ANKRD30BL: variants seen among roughly 807,000 people sequenced by gnomAD.
ANKRD30BL encodes the protein ankyrin repeat domain 30B like.
A neutral mutation model predicts 18.4 loss-of-function variants in ANKRD30BL; 20 were observed. That is an observed-to-expected ratio of 1.09 (90% CI 0.77 to 1.58). The LOEUF is 1.58. ANKRD30BL is among the 40% of genes most tolerant of loss of function. The pLI is 0.00. For missense variants in ANKRD30BL, 224 were observed against 268.6 expected, an observed-to-expected ratio of 0.83 and a Z score of 1.16; for synonymous variants, 72 against 100.9, an observed-to-expected ratio of 0.71 and a Z score of 1.72.
At chr2:132,157,586 C>T (rs1687945128) in intron 1 of ANKRD30BL, among the ~76,000 whole-genome samples, 163 bp from the exon 2 acceptor site, 1 of 152,204 alleles carries the variant, frequency 6.6e-6, no homozygotes, top group Non-Finnish European at 1.5e-5. Context: ...ACTGTTATTA[C>T]TCACTACATT....
chr2:132,174,524 G>A (rs2104943179), intron 1 of ANKRD30BL, among the ~76,000 whole-genome samples: 1 of 152,106 alleles, frequency 6.6e-6, no homozygotes, highest in African/African-American at 2.4e-5. Context: ...ACAGAACTAG[G>A]CATGCGTCAA....
intron 1 of ANKRD30BL, among the ~76,000 whole-genome samples, chr2:132,227,234 T>C (rs1216975090): frequency 6.6e-6 from 1 of 152,156 alleles, no homozygotes; most frequent in Non-Finnish European, 1.5e-5. Context: ...AGAAGCATTC[T>C]CAGAAACTTG....
chr2:132,160,321 G>C (rs1216279950), intron 1 of ANKRD30BL, among the ~76,000 whole-genome samples: 2 of 149,934 alleles, frequency 1.3e-5, no homozygotes, highest in African/African-American at 4.9e-5. Context: ...GGCTAGTCTT[G>C]AAATCCTGAC....
intron 1 of ANKRD30BL, among the ~76,000 whole-genome samples, chr2:132,214,592 T>C (rs1315074916): frequency 6.6e-6 from 1 of 150,904 alleles, no homozygotes; most frequent in East Asian, 1.9e-4. Flanking sequence ...TGATTAAGCA[T>C]TTTTGAAACA....
intron 1 of ANKRD30BL, among the ~76,000 whole-genome samples, chr2:132,171,132 G>GTACTCC (rs1688273114): frequency 1.4e-5 from 2 of 139,376 alleles, no homozygotes; most frequent in Non-Finnish European, 3.0e-5. Context: ...TCCAGCCTGG[G>GTACTCC]AGACAGAGCC....
chr2:132,209,562 T>C (rs1220661151), intron 1 of ANKRD30BL, among the ~76,000 whole-genome samples: 2 of 152,186 alleles, frequency 1.3e-5, no homozygotes, highest in Non-Finnish European at 2.9e-5. Context: ...CTTTGTGATG[T>C]GTGCATTCAT....
intron 1 of ANKRD30BL, among the ~76,000 whole-genome samples, chr2:132,192,660 A>G (rs1678884608): frequency 6.6e-6 from 1 of 152,218 alleles, no homozygotes; most frequent in African/African-American, 2.4e-5. Flanking sequence ...CCAGATCCTC[A>G]TGTCACCCAC....
In ANKRD30BL at chr2:132,195,282, A is replaced by G. The variant is rs79486814; in HGVS notation, n.442-38136T>C. ...AAGGAGGGTGAATTTTGTTTGTTAT[A>G]TGACTATGACATGTAGAGAACTTCT... On this transcript the variant is annotated intron_variant and non_coding_transcript_variant, in intron 1 of 4. Transcript: ENST00000470729. Among the ~76,000 whole-genome samples the G allele has an allele frequency of 7.2e-5, 11 of 152,310 alleles. No homozygotes were observed. In the East Asian group the frequency reaches 1.9e-3, roughly 27 times the overall value.
chr2:132,181,369 G>A (rs1688458552), intron 1 of ANKRD30BL, among the ~76,000 whole-genome samples: 1 of 151,778 alleles, frequency 6.6e-6, no homozygotes, highest in South Asian at 2.1e-4. Context: ...AGCTACCTGA[G>A]AGGCTGAGCA....
chr2:132,227,577 C>T (rs542426721), intron 1 of ANKRD30BL, among the ~76,000 whole-genome samples: 7 of 152,174 alleles, frequency 4.6e-5, no homozygotes, highest in African/African-American at 1.7e-4. Context: ...GCAGCATTCT[C>T]AGAAACTTCT....
intron 1 of ANKRD30BL, among the ~76,000 whole-genome samples, chr2:132,159,829 T>C (rs1688008055): frequency 6.6e-6 from 1 of 152,222 alleles, no homozygotes; most frequent in African/African-American, 2.4e-5. Flanking sequence ...AAAATGTACC[T>C]GTGTAAATAG....
At chr2:132,253,683 C>G (rs779621718) in intron 1 of ANKRD30BL, among the ~76,000 whole-genome samples, 7 of 151,982 alleles carry the variant, frequency 4.6e-5, no homozygotes, top group African/African-American at 7.2e-5. Flanking sequence ...GCGGGCCCCT[C>G]CTGAACGGAC....
At chr2:132,229,991 T>C (rs1679963746) in intron 1 of ANKRD30BL, among the ~76,000 whole-genome samples, 1 of 152,054 alleles carries the variant, frequency 6.6e-6, no homozygotes, top group Non-Finnish European at 1.5e-5. Flanking sequence ...AGAAGAATTC[T>C]CAGAAAATTT....
At chr2:132,169,751 G>A (rs1032521740) in intron 1 of ANKRD30BL, among the ~76,000 whole-genome samples, 2 of 151,760 alleles carry the variant, frequency 1.3e-5, no homozygotes, top group Admixed American at 6.6e-5. Flanking sequence ...TATGCCCCCA[G>A]GTGAAACATT....
intron 1 of ANKRD30BL, among the ~76,000 whole-genome samples, chr2:132,221,638 G>C (rs1379472302): frequency 4.9e-5 from 6 of 121,332 alleles, no homozygotes; most frequent in Non-Finnish European, 8.1e-5. Flanking sequence ...GTCCGGGAGG[G>C]AGGTGGGGGG....
intron 1 of ANKRD30BL, among the ~76,000 whole-genome samples, chr2:132,172,605 T>C (rs1688301035): frequency 6.6e-6 from 1 of 152,228 alleles, no homozygotes; most frequent in African/African-American, 2.4e-5. Flanking sequence ...TGGAGTTCTT[T>C]ATTCTATTAT....
intron 1 of ANKRD30BL, among the ~76,000 whole-genome samples, chr2:132,224,893 T>C (rs1679799394): frequency 6.6e-6 from 1 of 152,014 alleles, no homozygotes; most frequent in South Asian, 2.1e-4. Flanking sequence ...ACCTTGCTTT[T>C]CATAGAGCAG....
chr2:132,160,112 A>G (rs1291675526), intron 1 of ANKRD30BL, among the ~76,000 whole-genome samples: 4 of 151,886 alleles, frequency 2.6e-5, no homozygotes, highest in Non-Finnish European at 4.4e-5. Flanking sequence ...TGATTTATTT[A>G]TTTATTTTTG....
At chr2:132,153,438 C>T (rs188097251) in intron 4 of ANKRD30BL, 1 of 432,872 alleles carries the variant, frequency 2.3e-6, no homozygotes, top group Middle Eastern at 8.5e-4. Context: ...ATTAATCCTT[C>T]TAACTAGTCA....
Sources: gnomAD v4.1 joint callset for allele counts (sites outside exome capture counted in the v4.1 genomes callset) on GRCh38, gnomAD v4.1.1 for gene constraint, MANE v1.5 for transcripts, NCBI Gene and HGNC (gene_info 2026-07-23, HGNC 2026-07-21) for gene names.